The following DNAH14 variants were observed in gnomAD, a reference collection of about 807,000 sequenced individuals.
DNAH14 encodes the protein dynein axonemal heavy chain 14.
A neutral mutation model predicts 520.9 loss-of-function variants in DNAH14; 478 were observed. The observed-to-expected ratio is 0.92, with a 90% CI of 0.85 to 0.99. The LOEUF is 0.99. DNAH14 is among the 50% of genes least tolerant of loss of function. The pLI is 0.00. For synonymous variants in DNAH14, 1,581 were observed against 1,757.2 expected, an observed-to-expected ratio of 0.90 and a Z score of 2.51; for missense variants, 4,831 against 5,234.5, an observed-to-expected ratio of 0.92 and a Z score of 2.38.
Position 224,969,685 on chromosome 1 carries a change from G to A in DNAH14, c.767+811G>A, listed in dbSNP as rs926635594. 22 of 278,900 alleles carry A rather than the reference G, an allele frequency of 7.9e-5. No individual in the cohort carries two copies. The East Asian group carries it at 1.3e-3, about 16-fold the overall frequency. The allele number at this position is 278,900 out of a possible 1,614,324, so 17.3% of individuals were successfully genotyped here. A position where few individuals can be genotyped will look rare whatever the true frequency, so the allele number is the denominator to read the frequency against. On this transcript the variant is annotated intron_variant, in intron 7 of 85. Transcript: ENST00000682510. Reference sequence around the variant, plus strand: ...CCGGCCGAAGCCATGGCAGAAGAACGTGGATTGTGAAGATTTCATGAACAT... The same window carrying A: ...CCGGCCGAAGCCATGGCAGAAGAACATGGATTGTGAAGATTTCATGAACAT...
chr1:225,208,408 C>A (rs533018500), intron 41 of DNAH14, among the ~76,000 whole-genome samples: 1 of 152,076 alleles, frequency 6.6e-6, no homozygotes, highest in South Asian at 2.1e-4. Context: ...TAGTGAGAGC[C>A]ATAACAACAG....
Position 225,301,007 on chromosome 1 carries a change from T to A in DNAH14, c.8608T>A (p.Ser2870Thr), listed in dbSNP as rs1558312203. 2.6e-6 allele frequency: 4 copies of A among 1,549,036 alleles called. No homozygotes were observed. The East Asian group carries it at 9.8e-5, about 38-fold the overall frequency. Residue 2870 changes from serine (S) to threonine (T), a missense_variant, in exon 56 of 86, where the codon TCT becomes ACT. Coordinates refer to ENST00000682510, the MANE Select transcript of DNAH14 (RefSeq NM_001367479.1). ...ATCTGGTCATATGGATAATAGGCAA[T>A]CTTTACTTTCATTCTTTCAAAAGGT... Reference protein sequence around the residue: ...EQSGHMDNRQSLLSFFQKRIY... With the variant: ...EQSGHMDNRQTLLSFFQKRIY...
At chr1:225,074,235 G>A (rs964198074) in intron 17 of DNAH14, among the ~76,000 whole-genome samples, 18 of 152,024 alleles carry the variant, frequency 1.2e-4, no homozygotes, top group African/African-American at 4.1e-4. Flanking sequence ...TCCTGACCTC[G>A]TGATCCGCCT....
intron 1 of DNAH14, among the ~76,000 whole-genome samples, chr1:224,935,590 C>A (rs2058978345): frequency 6.6e-6 from 1 of 151,520 alleles, no homozygotes; most frequent in South Asian, 2.1e-4. Context: ...ATGTTACTAG[C>A]TATAAAGACT....
chr1:225,366,136 G>A lies in DNAH14; in HGVS notation c.12090+1242G>A, dbSNP rs528989536. 2.6e-5 allele frequency among the ~76,000 whole-genome samples: 4 copies of A among 152,192 alleles called. No homozygotes were observed. The South Asian group carries it at 8.3e-4, about 32-fold the overall frequency. ...ATCAGAAAAATACAAATCAAAAACT[G>A]CATTAAATTGGCTAAGACTATAACT... On this transcript the variant is annotated intron_variant, in intron 76 of 85. Coordinates refer to ENST00000682510, the MANE Select transcript of DNAH14 (RefSeq NM_001367479.1).
chr1:225,284,384 C>T (rs1049798428), intron 54 of DNAH14, among the ~76,000 whole-genome samples: 2 of 152,018 alleles, frequency 1.3e-5, no homozygotes, highest in Non-Finnish European at 2.9e-5. Flanking sequence ...TGTATGCCAA[C>T]ATAGTAGATC....
At chr1:225,127,005 T>C (rs1180810083) in intron 27 of DNAH14, among the ~76,000 whole-genome samples, 1 of 151,500 alleles carries the variant, frequency 6.6e-6, no homozygotes, top group African/African-American at 2.4e-5. Flanking sequence ...AGTTTCCATG[T>C]AGTTGAGCGG....
Position 225,275,920 on chromosome 1 carries a change from T to A in DNAH14, c.8017T>A (p.Trp2673Arg). 1 of 339,710 alleles carries A rather than the reference T, an allele frequency of 2.9e-6. No homozygotes were observed. Among genetic ancestry groups the A allele is most frequent in the Non-Finnish European group, 5.9e-6 (1 of 169,960 alleles). 21.0% of individuals were successfully genotyped at this position (339,710 alleles called of 1,614,324 possible). A position where few individuals can be genotyped will look rare whatever the true frequency, so the allele number is the denominator to read the frequency against. The change falls in exon 53 of 86, where the codon TGG (tryptophan) becomes AGG (arginine). Residue 2673 changes from tryptophan to arginine, a missense_variant. Physicochemically the swap from Trp to Arg is moderately radical, Grantham distance 101. Coordinates refer to ENST00000682510, the MANE Select transcript of DNAH14 (RefSeq NM_001367479.1). ...RELENCFQIQWTQENLMNHST... is the reference protein window; with the variant it reads ...RELENCFQIQRTQENLMNHST... ...AATTCTTATCTTACAATAGATTCAGTGGACCCAAGAAAACCTGATGAATCA... is the reference window on the plus strand; with the variant it reads ...AATTCTTATCTTACAATAGATTCAGAGGACCCAAGAAAACCTGATGAATCA...
chr1:225,192,901 A>G lies in DNAH14; in HGVS notation c.5876A>G (p.Asp1959Gly), dbSNP rs146658863. The change falls in exon 38 of 86, where the codon GAT (aspartate) becomes GGT (glycine). Residue 1959 changes from aspartate to glycine, a missense_variant. Coordinates refer to ENST00000682510, the MANE Select transcript of DNAH14 (RefSeq NM_001367479.1). ...IDLRLKSRISDLSNVFKLDSS... is the reference protein window; with the variant it reads ...IDLRLKSRISGLSNVFKLDSS... ...CTCAGACTAAAGTCAAGAATCTCAG[A>G]TTTATCCAATGTAAGTTTAGTATTG... The G allele has an allele frequency of 6.5e-7, 1 of 1,546,464 alleles. No homozygotes were observed. Among genetic ancestry groups the G allele is most frequent in the East Asian group, 2.5e-5 (1 of 40,732 alleles).
At chr1:225,365,476 C>T (rs1315849753) in intron 76 of DNAH14, among the ~76,000 whole-genome samples, 3 of 152,182 alleles carry the variant, frequency 2.0e-5, no homozygotes, top group African/African-American at 7.2e-5. Flanking sequence ...CCAGCTTTCA[C>T]AGAAGTGGGT....
At chr1:225,324,871 A>T in intron 64 of DNAH14, 39 bp downstream of exon 64, 1 of 1,453,506 alleles carries the variant, frequency 6.9e-7, no homozygotes, top group South Asian at 1.2e-5. Flanking sequence ...AAGACAAAAC[A>T]CCAGGACAAT....
intron 19 of DNAH14, among the ~76,000 whole-genome samples, chr1:225,082,171 G>GGTGTGTGTGTGTGTGT (rs56658194): frequency 0.23 from 32,808 of 145,062 alleles, 4,006 homozygotes; most frequent in Middle Eastern, 0.3. Context: ...GAATGTTTGT[G>GGTGTGTGTGTGTGTGT]GTGTGTGTGT....
At chr1:225,328,429 G>T (rs1175109671) in intron 64 of DNAH14, among the ~76,000 whole-genome samples, 2 of 152,058 alleles carry the variant, frequency 1.3e-5, no homozygotes, top group Non-Finnish European at 2.9e-5. Flanking sequence ...TCTAGTATTT[G>T]AACTCATTAA....
At chr1:225,097,903 A>G (rs2075129630) in intron 22 of DNAH14, among the ~76,000 whole-genome samples, 1 of 152,210 alleles carries the variant, frequency 6.6e-6, no homozygotes, top group African/African-American at 2.4e-5. Flanking sequence ...TCATACATTA[A>G]TAAGAATTTC....
chr1:225,354,424 T>C (rs1356198268), intron 73 of DNAH14, among the ~76,000 whole-genome samples: 1 of 152,092 alleles, frequency 6.6e-6, no homozygotes, highest in African/African-American at 2.4e-5. Flanking sequence ...TGGCTGAGGG[T>C]AGAGGTTGGT....
At chr1:225,064,695 A>G (rs1448837794) in intron 17 of DNAH14, among the ~76,000 whole-genome samples, 1 of 152,080 alleles carries the variant, frequency 6.6e-6, no homozygotes, top group African/African-American at 2.4e-5. Flanking sequence ...ATGTACTCAT[A>G]TATGAAACTT....
chr1:225,354,824 A>C (rs1431774231), intron 73 of DNAH14, among the ~76,000 whole-genome samples: 2 of 152,212 alleles, frequency 1.3e-5, no homozygotes, highest in Non-Finnish European at 2.9e-5. Flanking sequence ...GAAATTCTTG[A>C]AAATGCTAAC....
chr1:225,142,150 C>G (rs889900728), intron 28 of DNAH14, among the ~76,000 whole-genome samples: 4 of 152,026 alleles, frequency 2.6e-5, no homozygotes, highest in Non-Finnish European at 5.9e-5. Context: ...TGGAAAAAGT[C>G]TAGTGTGTCA....
intron 36 of DNAH14, 68 bp from the exon 37 acceptor site, chr1:225,185,223 A>T (rs186828415): frequency 1.4e-6 from 2 of 1,459,186 alleles, no homozygotes; most frequent in East Asian, 5.2e-5. Flanking sequence ...GTCAATGGAT[A>T]TAGAGATATA....
Sources: allele counts gnomAD v4.1 joint callset (sites outside exome capture counted in the v4.1 genomes callset), GRCh38; gene constraint gnomAD v4.1.1; transcripts MANE v1.5; gene names NCBI Gene and HGNC (gene_info 2026-07-23, HGNC 2026-07-21).